The following CSTL1 variants were observed in gnomAD, a reference collection of about 807,000 sequenced individuals.
CSTL1 encodes cystatin-like 1.
In CSTL1, 14 loss-of-function variants were observed where a neutral mutation model predicts 14.4. The observed-to-expected ratio is 0.97, with a 90% CI of 0.64 to 1.52. The LOEUF (loss-of-function observed/expected upper bound fraction) is 1.52. CSTL1 is among the 40% of genes most tolerant of loss of function. The pLI, the probability that CSTL1 is intolerant of heterozygous loss-of-function variation, is 0.00. For missense variants in CSTL1, 170 were observed against 168.7 expected (o/e 1.01, Z -0.04); for synonymous variants, 72 against 67.5 (o/e 1.07, Z -0.33).
the CSTL1 span, among the ~76,000 whole-genome samples, chr20:23,451,317 C>T: frequency 5.7e-4 from 87 of 152,258 alleles, 1 homozygote; most frequent in African/African-American, 1.9e-3. Flanking sequence ...GCAGAGCACA[C>T]GCATGCAAGT....
chr20:23,446,955 C>T (rs989681475), downstream of CSTL1, among the ~76,000 whole-genome samples: 9 of 152,082 alleles, frequency 5.9e-5, no homozygotes, highest in South Asian at 1.5e-3. Context: ...GCGCAAAAAA[C>T]CCCACAAAAA....
chr20:23,444,151 G>A (rs1380049724), intron 3 of CSTL1, 107 bp downstream of exon 3: 9 of 938,184 alleles, frequency 9.6e-6, no homozygotes, highest in African/African-American at 8.2e-5. Context: ...GCCAGCTGGG[G>A]CCCAGCCCTG....
intron 2 of CSTL1, among the ~76,000 whole-genome samples, chr20:23,441,966 A>C (rs1364085763): frequency 6.6e-6 from 1 of 152,226 alleles, no homozygotes; most frequent in East Asian, 1.9e-4. Flanking sequence ...ATCCCAATGC[A>C]GACTGTCCCA....
intron 3 of CSTL1, 114 bp downstream of exon 3, chr20:23,444,158 C>A: frequency 1.1e-6 from 1 of 879,162 alleles, no homozygotes. Flanking sequence ...GGGGCCCAGC[C>A]CTGGGGCTGT....
At chr20:23,451,862 T>G in the CSTL1 span, 1 of 1,614,026 alleles carries the variant, frequency 6.2e-7, no homozygotes, top group Non-Finnish European at 8.5e-7. Context: ...GGTCTCTGGC[T>G]TTTGGCAGGT....
chr20:23,455,621 T>C, the CSTL1 span, among the ~76,000 whole-genome samples: 1 of 152,200 alleles, frequency 6.6e-6, no homozygotes, highest in Non-Finnish European at 1.5e-5. Context: ...GAACTGGCAA[T>C]GTTCATCTCC....
At chr20:23,452,951 C>G in the CSTL1 span, 12 of 640,136 alleles carry the variant, frequency 1.9e-5, no homozygotes, top group Admixed American at 1.1e-4. Context: ...TCCTCCTCCC[C>G]CTTCATCAGC....
the CSTL1 span, among the ~76,000 whole-genome samples, chr20:23,451,301 T>C: frequency 6.9e-6 from 1 of 145,444 alleles, no homozygotes; most frequent in African/African-American, 2.7e-5. Flanking sequence ...GGGTGGTGGC[T>C]TCCCAGCAGA....
intron 2 of CSTL1, 63 bp from the exon 3 acceptor site, chr20:23,443,871 C>CAGGAGAGAAGCT (rs1986898157): frequency 2.4e-6 from 3 of 1,244,630 alleles, no homozygotes; most frequent in Non-Finnish European, 3.5e-6. Context: ...CTAGCTTCTC[C>CAGGAGAGAAGCT]AGGAGAGGGT....
At chr20:23,456,734 C>T in the CSTL1 span, among the ~76,000 whole-genome samples, 75 of 152,298 alleles carry the variant, frequency 4.9e-4, 2 homozygotes, top group African/African-American at 1.8e-3. Context: ...CTGGCAGGGT[C>T]GCATTCCCTC....
At chr20:23,452,577 C>G in the CSTL1 span, 1 of 1,585,408 alleles carries the variant, frequency 6.3e-7, no homozygotes, top group Non-Finnish European at 8.7e-7. Flanking sequence ...GGAAGTCATA[C>G]ACTCACCTGC....
At chr20:23,459,149 C>T in the CSTL1 span, 1 of 152,284 alleles carries the variant, frequency 6.6e-6, no homozygotes, top group African/African-American at 2.4e-5. Flanking sequence ...TCTGCCCAGG[C>T]TAACACGGAT....
the CSTL1 span, among the ~76,000 whole-genome samples, chr20:23,460,619 G>C: frequency 7.2e-5 from 11 of 152,260 alleles, no homozygotes; most frequent in South Asian, 2.1e-4. Flanking sequence ...TTTCTCTGAA[G>C]ATGATTTTGG....
intron 2 of CSTL1, among the ~76,000 whole-genome samples, chr20:23,441,850 G>A (rs757660133): frequency 2.2e-4 from 34 of 152,200 alleles, no homozygotes; most frequent in Non-Finnish European, 3.5e-4. Context: ...AACACAACTG[G>A]CTATGGGAAA....
the CSTL1 span, chr20:23,451,865 T>A: frequency 6.2e-7 from 1 of 1,614,142 alleles, no homozygotes; most frequent in East Asian, 2.2e-5. Flanking sequence ...CTCTGGCTTT[T>A]GGCAGGTGGT....
chr20:23,447,982 TTCTA>T (rs570934640), downstream of CSTL1, among the ~76,000 whole-genome samples: 4 of 152,214 alleles, frequency 2.6e-5, no homozygotes, highest in Non-Finnish European at 4.4e-5. Flanking sequence ...ATTGTACTAT[TTCTA>T]TCTTTTTTTT....
At chr20:23,442,932 T>C (rs1291391301) in intron 2 of CSTL1, among the ~76,000 whole-genome samples, 1 of 152,202 alleles carries the variant, frequency 6.6e-6, no homozygotes, top group East Asian at 1.9e-4. Flanking sequence ...AGCTCTCTGT[T>C]AGTCTCCCTT....
the CSTL1 span, among the ~76,000 whole-genome samples, chr20:23,454,871 A>G: frequency 6.6e-6 from 1 of 152,324 alleles, no homozygotes; most frequent in African/African-American, 2.4e-5. Context: ...TTGTTTGAGT[A>G]TGGGACTGCC....
rs938487835 is a variant in CSTL1, at chr20:23,440,388, A to G, written c.121A>G (p.Met41Val). 1 of 1,614,214 alleles carries G rather than the reference A, an allele frequency of 6.2e-7. No homozygotes were observed. The highest frequency in any genetic ancestry group is 8.5e-7 in the Non-Finnish European group (1 of 1,180,002). Residue 41 changes from methionine to valine, a missense_variant, in exon 2 of 4, where the codon ATG becomes GTG. Met to Val is a conservative substitution (Grantham distance 21). Transcript: ENST00000347397. ...FQQKLMSKKN[M>V]NSTLNFFIQS... ...GCAGAAGCTCATGAGCAAGAAGAACATGAATTCAACACTCAACTTCTTCAT... is the reference window on the plus strand; with the variant it reads ...GCAGAAGCTCATGAGCAAGAAGAACGTGAATTCAACACTCAACTTCTTCAT...
Sources: gnomAD v4.1 joint callset for allele counts (sites outside exome capture counted in the v4.1 genomes callset) on GRCh38, gnomAD v4.1.1 for gene constraint, MANE v1.5 for transcripts, NCBI Gene and HGNC (gene_info 2026-07-23, HGNC 2026-07-21) for gene names.